The following ADAMTS12 variants were observed in gnomAD, a reference collection of about 807,000 sequenced individuals.
ADAMTS12 encodes the protein ADAM metallopeptidase with thrombospondin type 1 motif 12.
Under a neutral mutation model 167.8 loss-of-function variants are expected in ADAMTS12, and 118 were observed. That is an observed-to-expected ratio of 0.70 (90% CI 0.61 to 0.82). The LOEUF (loss-of-function observed/expected upper bound fraction) is 0.82, where lower values mean the gene tolerates loss of function less well. Among genes scored for constraint, ADAMTS12 ranks in the 40% least tolerant of loss-of-function variants. ADAMTS12 has a pLI of 0.00. For missense variants in ADAMTS12, 1,916 were observed against 1,998.8 expected, an observed-to-expected ratio of 0.96 and a Z score of 0.79; for synonymous variants, 704 against 716.9, an observed-to-expected ratio of 0.98 and a Z score of 0.29.
chr5:33,773,725 C>T (rs10070198), intron 2 of ADAMTS12, among the ~76,000 whole-genome samples: 7,663 of 152,230 alleles, frequency 0.05, 692 homozygotes, highest in African/African-American at 0.18. Context: ...GAGCCTAGCC[C>T]AGCACCACAT....
At chr5:33,705,022 T>C (rs1452454162) in intron 3 of ADAMTS12, among the ~76,000 whole-genome samples, 1 of 152,126 alleles carries the variant, frequency 6.6e-6, no homozygotes, top group African/African-American at 2.4e-5. Context: ...TTTTATGCTT[T>C]TGCATGTGGT....
chr5:33,683,142 G>T, intron 4 of ADAMTS12, 41 bp from the exon 5 acceptor site: 1 of 1,439,046 alleles, frequency 6.9e-7, no homozygotes, highest in Admixed American at 1.8e-5. Flanking sequence ...CACACGAAGA[G>T]ATAATAAATA....
chr5:33,562,508 G>C (rs554709756), intron 19 of ADAMTS12, among the ~76,000 whole-genome samples: 1 of 151,610 alleles, frequency 6.6e-6, no homozygotes, highest in East Asian at 1.9e-4. Context: ...GCAAAACAAA[G>C]TGCTGAACTA....
intron 14 of ADAMTS12, among the ~76,000 whole-genome samples, chr5:33,620,567 T>C (rs1739270422): frequency 6.6e-6 from 1 of 152,252 alleles, no homozygotes; most frequent in African/African-American, 2.4e-5. Context: ...TATGCAGTTA[T>C]GATTTAATAC....
In ADAMTS12 at chr5:33,637,560, C is replaced by T; in HGVS notation, c.1888+17G>A. The T allele has an allele frequency of 1.2e-6, 2 of 1,610,098 alleles. No individual in the cohort carries two copies. Among genetic ancestry groups the T allele is most frequent in the Non-Finnish European group, 1.7e-6 (2 of 1,177,644 alleles). ...GGCTGTTCCCTAGATCTGAGATACA[C>T]CATTACAGCTCCTTACCTGGGTTAA... On this transcript the variant is annotated intron_variant, in intron 12 of 23. Transcript: ENST00000504830.
At chr5:33,788,523 T>A (rs1428233623) in intron 2 of ADAMTS12, among the ~76,000 whole-genome samples, 1 of 152,156 alleles carries the variant, frequency 6.6e-6, no homozygotes, top group Non-Finnish European at 1.5e-5. Flanking sequence ...AAAGCAAATG[T>A]TGTCTTTCTC....
chr5:33,840,841 T>C (rs187075320), intron 2 of ADAMTS12, among the ~76,000 whole-genome samples: 1 of 152,356 alleles, frequency 6.6e-6, no homozygotes, highest in African/African-American at 2.4e-5. Flanking sequence ...AGTGCAGTGC[T>C]AATCCAAAGG....
At chr5:33,729,466 A>T (rs1182157308) in intron 3 of ADAMTS12, among the ~76,000 whole-genome samples, 2 of 152,214 alleles carry the variant, frequency 1.3e-5, no homozygotes, top group Admixed American at 6.5e-5. Context: ...AAATAGCCCA[A>T]ATTAAGTCTC....
chr5:33,658,078 T>A (rs1561198662), intron 7 of ADAMTS12, 106 bp downstream of exon 7: 1 of 1,399,782 alleles, frequency 7.1e-7, no homozygotes, highest in East Asian at 2.3e-5. Context: ...CACAGTATAA[T>A]CTGAGTCTCC....
intron 23 of ADAMTS12, among the ~76,000 whole-genome samples, chr5:33,528,842 C>G (rs1006739960): frequency 3.9e-5 from 6 of 152,112 alleles, no homozygotes; most frequent in African/African-American, 1.4e-4. Flanking sequence ...GTCAGGAATT[C>G]GAGACTAGTC....
rs1035383721 is a variant in ADAMTS12 at position 33,525,033 on chromosome 5, G to C, written c.*2155C>G. 1 of 152,162 alleles carries C rather than the reference G, an allele frequency of 6.6e-6. No individual in the cohort carries two copies. Among genetic ancestry groups the C allele is most frequent in the South Asian group, 2.1e-4 (1 of 4,830 alleles). The allele number at this position is 152,162 out of a possible 1,614,324, so 9.4% of individuals were successfully genotyped here. On this transcript the variant is annotated 3_prime_UTR_variant, in exon 24 of 24. Transcript: ENST00000504830. ...GTTTTGTAAGCCTGGTCATACCCAG[G>C]TCTCTGATGACACGTATTTGACCCT...
intron 18 of ADAMTS12, among the ~76,000 whole-genome samples, chr5:33,578,397 T>C (rs1746870855): frequency 6.6e-6 from 1 of 152,192 alleles, no homozygotes; most frequent in Non-Finnish European, 1.5e-5. Context: ...GCATTAGATT[T>C]ATTTTTACCC....
In ADAMTS12 at chr5:33,588,896, C is replaced by T. The variant is rs1391041667; in HGVS notation, c.2655-87G>A. 4 of 1,510,980 alleles carry T rather than the reference C, an allele frequency of 2.6e-6. No individual in the cohort carries two copies. In the Admixed American group the frequency reaches 7.6e-5, roughly 29 times the overall value. The allele number at this position is 1,510,980 out of a possible 1,614,324, so 93.6% of individuals were successfully genotyped here. A position where few individuals can be genotyped will look rare whatever the true frequency, so the allele number is the denominator to read the frequency against. ...CACTGAGAAAGCAGGGGCAGAAATG[C>T]AGATCACAGGGCTGGAAGGGCCATG... On this transcript the variant is annotated intron_variant, in intron 17 of 23. Transcript: ENST00000504830.
chr5:33,539,079 T>C (rs1242067464), intron 22 of ADAMTS12, among the ~76,000 whole-genome samples: 1 of 152,048 alleles, frequency 6.6e-6, no homozygotes, highest in African/African-American at 2.4e-5. Context: ...GTAGCTGGGA[T>C]TACAGGCATG....
chr5:33,795,055 GACTT>G (rs1300362411), intron 2 of ADAMTS12, among the ~76,000 whole-genome samples: 1 of 152,210 alleles, frequency 6.6e-6, no homozygotes, highest in Non-Finnish European at 1.5e-5. Context: ...CACAAGAACA[GACTT>G]ACGTGTACAG....
At chr5:33,650,682 A>C (rs1038005521) in intron 7 of ADAMTS12, among the ~76,000 whole-genome samples, 10 of 152,182 alleles carry the variant, frequency 6.6e-5, no homozygotes, top group African/African-American at 2.4e-4. Flanking sequence ...AAGCTTAACC[A>C]TCCACCATGG....
Position 33,534,891 on chromosome 5 carries a change from G to C in ADAMTS12, c.4548C>G (p.His1516Gln). Residue 1516 changes from histidine (H) to glutamine (Q), a missense_variant, in exon 23 of 24, where the codon CAC becomes CAG. Physicochemically the swap from His to Gln is conservative, Grantham distance 24 (BLOSUM62 0). Coordinates refer to ENST00000504830, the MANE Select transcript of ADAMTS12 (RefSeq NM_030955.4). The part of the protein sequence containing the change: ...TEDQDQCLCD[H>Q]KPRPPEFKKC... ...TTTTGAATTCTGGAGGTCTGGGTTT[G>C]TGATCACATAGACATTGGTCTTGGT... The C allele has an allele frequency of 6.2e-7, 1 of 1,614,106 alleles. No homozygotes were observed. The highest frequency in any genetic ancestry group is 8.5e-7 in the Non-Finnish European group (1 of 1,180,010).
intron 2 of ADAMTS12, among the ~76,000 whole-genome samples, chr5:33,758,172 T>C (rs1745230885): frequency 6.6e-6 from 1 of 152,208 alleles, no homozygotes; most frequent in Non-Finnish European, 1.5e-5. Context: ...TATGCTAATA[T>C]GCTACTACGA....
At chr5:33,756,636 C>A (rs530046736) in intron 2 of ADAMTS12, among the ~76,000 whole-genome samples, 3 of 152,140 alleles carry the variant, frequency 2.0e-5, no homozygotes, top group African/African-American at 7.2e-5. Context: ...GCCTAAGTGG[C>A]CTCCATGAAG....
Sources: allele counts gnomAD v4.1 joint callset (sites outside exome capture counted in the v4.1 genomes callset), GRCh38; gene constraint gnomAD v4.1.1; transcripts MANE v1.5; gene names NCBI Gene and HGNC (gene_info 2026-07-23, HGNC 2026-07-21).